The following TET2 variants were observed in gnomAD, a reference collection of about 807,000 sequenced individuals.
The protein encoded by TET2 is methylcytosine dioxygenase TET2.
Under a neutral mutation model 142.9 loss-of-function variants are expected in TET2, and 299 were observed. The observed-to-expected ratio is 2.09, with a 90% CI of 1.90 to 2.30. The LOEUF (loss-of-function observed/expected upper bound fraction) is 2.30. Among genes scored for constraint, TET2 ranks in the 30% most tolerant of loss-of-function variants. The probability of loss-of-function intolerance (pLI) is 0.00; values close to 1 mark genes in which losing one functional copy is unlikely to be tolerated. For synonymous variants in TET2, 819 were observed against 849.0 expected (o/e 0.96, Z 0.61); for missense variants, 2,418 against 2,378.0 (o/e 1.02, Z -0.35).
chr4:105,151,281 A>G (rs778836782), intron 1 of TET2, among the ~76,000 whole-genome samples: 27 of 152,186 alleles, frequency 1.8e-4, no homozygotes, highest in Non-Finnish European at 3.8e-4. Flanking sequence ...TGATCACACC[A>G]CTGCGCTCCA....
At chr4:105,255,206 T>C (rs1730061545) in intron 6 of TET2, among the ~76,000 whole-genome samples, 1 of 152,224 alleles carries the variant, frequency 6.6e-6, no homozygotes, top group Non-Finnish European at 1.5e-5. Context: ...CAATAAAATA[T>C]GAGTATGTCG....
At chr4:105,240,538 A>G (rs1002612956) in intron 3 of TET2, 29 of 1,078,818 alleles carry the variant, frequency 2.7e-5, no homozygotes, top group Non-Finnish European at 2.7e-5. Context: ...CCCTCTTGCA[A>G]TGAGATACCC....
At chr4:105,221,441 A>G (rs1213405762) in intron 2 of TET2, among the ~76,000 whole-genome samples, 2 of 152,106 alleles carry the variant, frequency 1.3e-5, no homozygotes, top group Non-Finnish European at 2.9e-5. Flanking sequence ...TCTCCCTCAA[A>G]TAATCTATAT....
chr4:105,263,742 T>A (rs1055291601), intron 8 of TET2, among the ~76,000 whole-genome samples: 3 of 152,068 alleles, frequency 2.0e-5, no homozygotes, highest in Admixed American at 2.0e-4. Flanking sequence ...AAGTAGAGAT[T>A]ATAAAGAGGA....
In TET2 at chr4:105,277,405, T is replaced by C. The variant is rs1731275039; in HGVS notation, c.*886T>C. ...CATGTATATGTATAAATATTTTAAATGGTGTTTTAGAAGCACTTTGTCTAC... is the reference window on the plus strand; with the variant it reads ...CATGTATATGTATAAATATTTTAAACGGTGTTTTAGAAGCACTTTGTCTAC... On this transcript the variant is annotated 3_prime_UTR_variant, in exon 11 of 11. Coordinates refer to ENST00000380013, the MANE Select transcript of TET2 (RefSeq NM_001127208.3). 4.4e-6 allele frequency: 1 copy of C among 225,160 alleles called. No individual in the cohort carries two copies. Among genetic ancestry groups the C allele is most frequent in the African/African-American group, 2.2e-5 (1 of 44,968 alleles). 13.9% of individuals were successfully genotyped at this position (225,160 alleles called of 1,614,324 possible).
In TET2 at chr4:105,235,184, G is replaced by T; in HGVS notation, c.1242G>T (p.Gln414His). Residue 414 changes from glutamine to histidine, a missense_variant, in exon 3 of 11, where the codon CAG becomes CAT. Gln to His is a conservative substitution (Grantham distance 24, BLOSUM62 0). Transcript: ENST00000380013. Reference sequence around the variant, plus strand: ...TTTCTCCCCCTCCTCCTCTTCCACAGGTTCCTCAGCTTCCTTCAGAAGGAA... The same window carrying T: ...TTTCTCCCCCTCCTCCTCTTCCACATGTTCCTCAGCTTCCTTCAGAAGGAA... ...LLLSPPPPLP[Q>H]VPQLPSEGKS... 6.2e-7 allele frequency: 1 copy of T among 1,613,958 alleles called. No individual in the cohort carries two copies. Among genetic ancestry groups the T allele is most frequent in the Non-Finnish European group, 8.5e-7 (1 of 1,179,976 alleles).
At chr4:105,163,822 A>AGG in intron 1 of TET2, among the ~76,000 whole-genome samples, 1 of 86,262 alleles carries the variant, frequency 1.2e-5, no homozygotes, top group South Asian at 3.1e-4. Flanking sequence ...AGAGAGAGAG[A>AGG]GAGAGAGAGA....
At chr4:105,239,193 CAGGGTACACTT>C (rs1729148201) in intron 3 of TET2, 1 of 239,880 alleles carries the variant, frequency 4.2e-6, no homozygotes, top group Non-Finnish European at 8.8e-6. Context: ...TCTACACAAG[CAGGGTACACTT>C]AGCATAATTC....
chr4:105,214,471 A>ATTTTT (rs35752514), intron 2 of TET2, among the ~76,000 whole-genome samples: 14 of 92,100 alleles, frequency 1.5e-4, no homozygotes, highest in African/African-American at 2.4e-4. Context: ...CACACCTGGC[A>ATTTTT]TTTTTTTTTT....
At chr4:105,178,809 A>G (rs980212752) in intron 1 of TET2, among the ~76,000 whole-genome samples, 4 of 152,188 alleles carry the variant, frequency 2.6e-5, no homozygotes, top group African/African-American at 9.7e-5. Flanking sequence ...AATCTGAAAA[A>G]ATGTTAATAA....
chr4:105,236,966 GC>G lies in TET2; in HGVS notation c.3025del (p.Gln1009LysfsTer24). On this transcript the variant is annotated frameshift_variant, in exon 3 of 11. Coordinates refer to ENST00000380013, the MANE Select transcript of TET2 (RefSeq NM_001127208.3). LOFTEE classifies it high-confidence loss of function. ...ENKTWKKVTK[Q>X]ENPPASCDNV... ...ACAAAACATGGAAAAAGGTAACTAAGCAAGAGAATCCACCTGCAAGCTGTGA... is the reference window on the plus strand; with the variant it reads ...ACAAAACATGGAAAAAGGTAACTAAGAAGAGAATCCACCTGCAAGCTGTGA... The G allele has an allele frequency of 6.2e-7, 1 of 1,614,078 alleles. No homozygotes were observed. Among genetic ancestry groups the G allele is most frequent in the Non-Finnish European group, 8.5e-7 (1 of 1,180,012 alleles).
intron 6 of TET2, among the ~76,000 whole-genome samples, chr4:105,250,733 C>T (rs1729832541): frequency 6.6e-6 from 1 of 152,100 alleles, no homozygotes; most frequent in Non-Finnish European, 1.5e-5. Context: ...TGCTCTGCTG[C>T]CCAGTCCAGA....
intron 2 of TET2, among the ~76,000 whole-genome samples, chr4:105,217,616 A>G (rs1458136969): frequency 6.6e-6 from 1 of 152,072 alleles, no homozygotes; most frequent in Non-Finnish European, 1.5e-5. Flanking sequence ...CTATCATCAT[A>G]TTAAAGACTT....
intron 8 of TET2, among the ~76,000 whole-genome samples, chr4:105,267,649 AAT>A (rs1379060268): frequency 4.0e-5 from 6 of 151,836 alleles, no homozygotes; most frequent in African/African-American, 1.4e-4. Context: ...TAAATATAAA[AAT>A]AAAACAAATA....
chr4:105,275,739 T>A lies in TET2; in HGVS notation c.5229T>A (p.Asn1743Lys). The change falls in exon 11 of 11, where the codon AAT becomes AAA. Residue 1743 changes from asparagine (N) to lysine (K), a missense_variant. Transcript: ENST00000380013. ...FMGATSRLPP[N>K]LSNPNMDYKN... ...GAGCCACCTCTAGATTACCACCCAATCTGAGCAATCCAAACATGGACTATA... is the reference window on the plus strand; with the variant it reads ...GAGCCACCTCTAGATTACCACCCAAACTGAGCAATCCAAACATGGACTATA... The A allele has an allele frequency of 6.4e-7, 1 of 1,551,746 alleles. No homozygotes were observed.
At chr4:105,271,933 A>C (rs1328210186) in intron 9 of TET2, among the ~76,000 whole-genome samples, 1 of 152,228 alleles carries the variant, frequency 6.6e-6, no homozygotes, top group Non-Finnish European at 1.5e-5. Flanking sequence ...TAGGTTTGAC[A>C]GAGTACAAAG....
At chr4:105,223,738 A>G (rs1413703730) in intron 2 of TET2, among the ~76,000 whole-genome samples, 7 of 152,136 alleles carry the variant, frequency 4.6e-5, no homozygotes, top group African/African-American at 1.7e-4. Flanking sequence ...CATATACATC[A>G]TCTTTACTCA....
At chr4:105,198,858 C>T (rs1033720386) in intron 2 of TET2, among the ~76,000 whole-genome samples, 1 of 152,154 alleles carries the variant, frequency 6.6e-6, no homozygotes, top group South Asian at 2.1e-4. Context: ...ATGATAGTCT[C>T]ATTTGCGAAG....
At position 105,173,372 on chromosome 4, in the gene TET2, A is replaced by AC. The variant is rs949287305; in HGVS notation, c.-192-16988_-192-16987insC. Among the ~76,000 whole-genome samples, 8 of 151,358 alleles carry AC rather than the reference A, an allele frequency of 5.3e-5. 1 individual carries two copies. Among genetic ancestry groups the AC allele is most frequent in the Admixed American group, 6.6e-5 (1 of 15,172 alleles). The stretch of plus-strand genomic sequence containing the variant: ...GTCTCTACTAAAAATACAAAAAAAA[A>AC]AAAAAACAAAACTAGCCCGGCATGG... On this transcript the variant is annotated intron_variant, in intron 1 of 10. Coordinates refer to ENST00000380013, the MANE Select transcript of TET2 (RefSeq NM_001127208.3).
Sources: allele counts gnomAD v4.1 joint callset (sites outside exome capture counted in the v4.1 genomes callset), GRCh38; gene constraint gnomAD v4.1.1; transcripts MANE v1.5; gene names NCBI Gene and HGNC (gene_info 2026-07-23, HGNC 2026-07-21).